Variants in ZMYM5 observed in about 807,000 individuals in gnomAD.
ZMYM5 encodes the protein zinc finger MYM-type protein 5.
ZMYM5 carries 41 observed loss-of-function variants against 61.8 expected under a neutral mutation model. The ratio of observed to expected loss-of-function variants is 0.66; its 90% CI spans 0.52 to 0.86. The LOEUF (loss-of-function observed/expected upper bound fraction) is 0.86. ZMYM5 is among the 40% of genes least tolerant of loss of function. ZMYM5 has a pLI of 0.00. For missense variants in ZMYM5, 706 were observed against 786.7 expected, an observed-to-expected ratio of 0.90 and a Z score of 1.23; for synonymous variants, 257 against 276.4, an observed-to-expected ratio of 0.93 and a Z score of 0.70.
At chr13:19,827,944 G>A (rs575868480) in intron 7 of ZMYM5, among the ~76,000 whole-genome samples, 18 of 149,860 alleles carry the variant, frequency 1.2e-4, no homozygotes, top group Middle Eastern at 3.5e-3. Flanking sequence ...GCATGAACCC[G>A]GGAGGCGGAG....
intron 4 of ZMYM5, among the ~76,000 whole-genome samples, chr13:19,847,104 C>T (rs1006750518): frequency 2.6e-5 from 4 of 151,968 alleles, no homozygotes; most frequent in African/African-American, 7.3e-5. Flanking sequence ...TGCACAACCA[C>T]ACCCAGCTAA....
Position 19,825,130 on chromosome 13 carries a change from A to G in ZMYM5, c.1357T>C (p.Leu453=). Residue 453 remains leucine (L), a synonymous_variant, in exon 8 of 8, where the codon TTG becomes CTG. Coordinates refer to ENST00000337963, the MANE Select transcript of ZMYM5 (RefSeq NM_001142684.2). ...KQLYGSSNTL[L]KKIEGIPEKK... ...TCTGGGATTCCCTCTATTTTTTTCA[A>G]AAGTGTATTTGACGATCCATATAAT... is the stretch of plus-strand genomic sequence containing the variant. 1 of 1,359,478 alleles carries G rather than the reference A, an allele frequency of 7.4e-7. No individual in the cohort carries two copies. The highest frequency in any genetic ancestry group is 9.8e-7 in the Non-Finnish European group (1 of 1,017,854). The allele number at this position is 1,359,478 out of a possible 1,614,324, so 84.2% of individuals were successfully genotyped here.
At chr13:19,858,585 C>CAG (rs1953597634) in intron 2 of ZMYM5, among the ~76,000 whole-genome samples, 1 of 85,314 alleles carries the variant, frequency 1.2e-5, no homozygotes, top group Non-Finnish European at 2.1e-5. Context: ...GACGCTGTTT[C>CAG]AAAAAAAAAA....
At chr13:19,845,059 C>T (rs1035976340) in intron 4 of ZMYM5, among the ~76,000 whole-genome samples, 2 of 151,902 alleles carry the variant, frequency 1.3e-5, no homozygotes, top group Non-Finnish European at 2.9e-5. Flanking sequence ...AATAAGGGTG[C>T]CAAACTTAGA....
chr13:19,831,805 A>AC (rs1203571790), intron 7 of ZMYM5, among the ~76,000 whole-genome samples: 1 of 150,524 alleles, frequency 6.6e-6, no homozygotes, highest in Non-Finnish European at 1.5e-5. Flanking sequence ...AAAAAAAAAA[A>AC]AAAAAAAAAC....
intron 2 of ZMYM5, among the ~76,000 whole-genome samples, chr13:19,859,116 G>C (rs1953626506): frequency 6.6e-6 from 1 of 151,584 alleles, no homozygotes; most frequent in Admixed American, 6.6e-5. Context: ...TGGGCAACAA[G>C]AGCAAAACTC....
rs145811557 is a variant in ZMYM5, at chr13:19,839,058, T to C, written c.587-73A>G. ...ATCAGAAAAATAACTTGCATTTTCA[T>C]TTAAGAGTTTAAGAGACAAGTGGGG... On this transcript the variant is annotated intron_variant, in intron 4 of 7. Transcript: ENST00000337963. The C allele has an allele frequency of 4.3e-4, 660 of 1,530,664 alleles. 3 individuals are homozygous for C. The African/African-American group carries it at 7.6e-3, about 18-fold the overall frequency. 94.8% of individuals were successfully genotyped at this position (1,530,664 alleles called of 1,614,324 possible).
At chr13:19,854,549 C>T (rs377473125) in intron 2 of ZMYM5, among the ~76,000 whole-genome samples, 12 of 145,012 alleles carry the variant, frequency 8.3e-5, no homozygotes, top group African/African-American at 2.8e-4. Context: ...CGCTTGAACC[C>T]GGGAGGCAGA....
chr13:19,843,098 G>C (rs976887564), intron 4 of ZMYM5, among the ~76,000 whole-genome samples: 1 of 151,196 alleles, frequency 6.6e-6, no homozygotes, highest in African/African-American at 2.4e-5. Context: ...TTACAGGCGT[G>C]AGCCACTGCA....
chr13:19,853,995 T>G (rs1221610075), intron 2 of ZMYM5, among the ~76,000 whole-genome samples: 1 of 152,130 alleles, frequency 6.6e-6, no homozygotes, highest in Non-Finnish European at 1.5e-5. Flanking sequence ...CATTTTATTT[T>G]AAACATCTCA....
At position 19,838,707 on chromosome 13, in the gene ZMYM5, ATAT is replaced by A. The variant is rs760482100; in HGVS notation, c.862_864del (p.Ile288del). On this transcript the variant is annotated inframe_deletion, in exon 5 of 8. Coordinates refer to ENST00000337963, the MANE Select transcript of ZMYM5 (RefSeq NM_001142684.2). The stretch of plus-strand genomic sequence containing the variant: ...TTGAAAGGTACTGCTTACTTTTTAC[ATAT>A]TATGCTTCGTGTGTTTTGAGTACGT... 80 of 1,614,048 alleles carry A rather than the reference ATAT, an allele frequency of 5.0e-5. No individual in the cohort carries two copies. In the African/African-American group the frequency reaches 1.0e-3, roughly 20 times the overall value.
At chr13:19,844,618 A>C (rs1953009666) in intron 4 of ZMYM5, among the ~76,000 whole-genome samples, 2 of 152,194 alleles carry the variant, frequency 1.3e-5, no homozygotes, top group Admixed American at 6.5e-5. Context: ...TTTACAGTAC[A>C]GAAAAAGAAC....
chr13:19,846,018 G>A (rs1475344872), intron 4 of ZMYM5, among the ~76,000 whole-genome samples: 1 of 152,142 alleles, frequency 6.6e-6, no homozygotes, highest in Non-Finnish European at 1.5e-5. Context: ...ACTCCACTGT[G>A]AGTCATCTCA....
At chr13:19,837,610 T>A in intron 6 of ZMYM5, 46 bp downstream of exon 6, 2 of 1,605,696 alleles carry the variant, frequency 1.2e-6, no homozygotes, top group Non-Finnish European at 1.7e-6. Context: ...AAAGTTAAAA[T>A]TATCACTGTT....
intron 7 of ZMYM5, among the ~76,000 whole-genome samples, chr13:19,828,560 T>C (rs1478081690): frequency 5.3e-5 from 8 of 152,140 alleles, no homozygotes; most frequent in Non-Finnish European, 1.5e-5. Context: ...TTTGGAAAGA[T>C]TGCTCTAATT....
intron 2 of ZMYM5, among the ~76,000 whole-genome samples, chr13:19,861,406 C>A (rs1052638559): frequency 1.3e-5 from 2 of 152,140 alleles, no homozygotes; most frequent in Non-Finnish European, 2.9e-5. Context: ...CCCACCTCAG[C>A]CTCCCAAAGT....
intron 7 of ZMYM5, among the ~76,000 whole-genome samples, chr13:19,831,812 A>AAC (rs1891238097): frequency 6.6e-6 from 1 of 150,466 alleles, no homozygotes; most frequent in Non-Finnish European, 1.5e-5. Flanking sequence ...AAAAAAAAAA[A>AAC]AACCATATGT....
chr13:19,837,936 G>C, intron 5 of ZMYM5, 115 bp from the exon 6 acceptor site: 1 of 1,218,894 alleles, frequency 8.2e-7, no homozygotes, highest in Non-Finnish European at 1.1e-6. Flanking sequence ...TAGAAATCAA[G>C]TATAACTTTT....
chr13:19,857,920 G>A (rs536663825), intron 2 of ZMYM5, among the ~76,000 whole-genome samples: 6 of 152,208 alleles, frequency 3.9e-5, no homozygotes, highest in African/African-American at 1.4e-4. Context: ...GGCTGAGGTG[G>A]AAGGATGGCT....
Sources: gnomAD v4.1 joint callset for allele counts (sites outside exome capture counted in the v4.1 genomes callset) on GRCh38, gnomAD v4.1.1 for gene constraint, MANE v1.5 for transcripts, NCBI Gene and HGNC (gene_info 2026-07-23, HGNC 2026-07-21) for gene names.